TMC7: variants seen among roughly 807,000 people sequenced by gnomAD.
The protein encoded by TMC7 is transmembrane channel like 7, also known as transmembrane channel-like protein 7.
A neutral mutation model predicts 82.9 loss-of-function variants in TMC7; 54 were observed. The observed-to-expected ratio is 0.65, with a 90% confidence interval of 0.52 to 0.82. The LOEUF is 0.82. TMC7 is among the 40% of genes least tolerant of loss of function. The probability of loss-of-function intolerance (pLI) is 0.00; values close to 1 mark genes in which losing one functional copy is unlikely to be tolerated. For missense variants in TMC7, 820 were observed against 901.2 expected (o/e 0.91, Z 1.15); for synonymous variants, 350 against 337.9 (o/e 1.04, Z -0.39).
intron 3 of TMC7, among the ~76,000 whole-genome samples, chr16:19,018,686 A>T (rs1959823701): frequency 6.6e-6 from 1 of 152,002 alleles, no homozygotes; most frequent in African/African-American, 2.4e-5. Context: ...CCCCCATCCT[A>T]GTGCTTTGGG....
chr16:18,994,554 TAG>T (rs2039008225), intron 1 of TMC7, among the ~76,000 whole-genome samples: 2 of 152,124 alleles, frequency 1.3e-5, no homozygotes, highest in South Asian at 4.2e-4. Flanking sequence ...GAACAGCTTT[TAG>T]GGCTGCTTCT....
intron 12 of TMC7, among the ~76,000 whole-genome samples, chr16:19,051,053 C>T (rs1376341115): frequency 3.3e-5 from 5 of 152,100 alleles, no homozygotes; most frequent in South Asian, 2.1e-4. Context: ...CACGCAGCCA[C>T]GAGCCCCCAC....
chr16:19,054,734 G>C (rs1961692306), intron 13 of TMC7, among the ~76,000 whole-genome samples: 1 of 143,878 alleles, frequency 7.0e-6, no homozygotes, highest in African/African-American at 2.5e-5. Flanking sequence ...AAAAGCATGG[G>C]ATTTGCTTTT....
chr16:19,023,690 A>T (rs1018727358), intron 5 of TMC7, among the ~76,000 whole-genome samples: 9 of 151,838 alleles, frequency 5.9e-5, no homozygotes, highest in African/African-American at 2.2e-4. Flanking sequence ...CAGGTGGTCC[A>T]CTCTCCTTGG....
intron 1 of TMC7, among the ~76,000 whole-genome samples, chr16:18,999,547 A>G (rs1479817571): frequency 2.0e-5 from 3 of 152,228 alleles, no homozygotes; most frequent in Non-Finnish European, 4.4e-5. Flanking sequence ...GTGGTCTTCA[A>G]GGCTATGTTG....
intron 15 of TMC7, among the ~76,000 whole-genome samples, chr16:19,061,043 G>T (rs1396240049): frequency 2.2e-5 from 3 of 138,650 alleles, no homozygotes; most frequent in African/African-American, 5.4e-5. Context: ...TCACTCTGTC[G>T]CCCAGGCTGG....
rs1019713956 is a variant in TMC7 at position 18,989,679 on chromosome 16, G to A, written c.67+5549G>A. On this transcript the variant is annotated intron_variant, in intron 1 of 15. Coordinates refer to ENST00000304381, the MANE Select transcript of TMC7 (RefSeq NM_024847.4). ...GCTTTCATGGAGCTTCTAGTCAAGC[G>A]AGACGCACTAAACGGTAAAGGGACA... 5.3e-5 allele frequency among the ~76,000 whole-genome samples: 8 copies of A among 151,064 alleles called. No individual in the cohort carries two copies. In the South Asian group the frequency reaches 6.4e-4, roughly 12 times the overall value.
chr16:19,061,811 C>T lies in TMC7; in HGVS notation c.2140C>T (p.Leu714=). 6.2e-7 allele frequency: 1 copy of T among 1,613,850 alleles called. No homozygotes were observed. The highest frequency in any genetic ancestry group is 8.5e-7 in the Non-Finnish European group (1 of 1,179,872). ...SRDKCYLIQK[L]TEAQRDMRN The stretch of plus-strand genomic sequence containing the variant: ...TGACAAGTGCTACCTAATCCAGAAA[C>T]TAACAGAAGCCCAAAGGGACATGAG... The change falls in exon 16 of 16, where the codon CTA becomes TTA. Residue 714 remains leucine, a synonymous_variant. Transcript: ENST00000304381.
In TMC7 at chr16:19,061,770, T is replaced by G; in HGVS notation, c.2107-8T>G. On this transcript the variant is annotated splice_region_variant and splice_polypyrimidine_tract_variant and intron_variant, in intron 15 of 15. Transcript: ENST00000304381. The stretch of plus-strand genomic sequence containing the variant: ...ATTAAATGTACATGTGAACTTATTA[T>G]TTTTTAGGAAAGTCGTGACAAGTGC... 1 of 1,611,912 alleles carries G rather than the reference T, an allele frequency of 6.2e-7. No individual in the cohort carries two copies. The highest frequency in any genetic ancestry group is 8.5e-7 in the Non-Finnish European group (1 of 1,178,828).
At chr16:18,993,125 G>A (rs1313581283) in intron 1 of TMC7, among the ~76,000 whole-genome samples, 2 of 152,146 alleles carry the variant, frequency 1.3e-5, no homozygotes, top group Non-Finnish European at 2.9e-5. Context: ...TTGATAGTGT[G>A]GTGGAGATAG....
At chr16:19,002,176 G>A (rs2039152733) in intron 1 of TMC7, among the ~76,000 whole-genome samples, 1 of 151,420 alleles carries the variant, frequency 6.6e-6, no homozygotes, top group African/African-American at 2.4e-5. Flanking sequence ...CTCACCAGAT[G>A]TACCTGCCTC....
intron 7 of TMC7, among the ~76,000 whole-genome samples, chr16:19,037,079 T>C (rs1009512547): frequency 4.6e-5 from 7 of 152,196 alleles, no homozygotes; most frequent in Non-Finnish European, 1.0e-4. Flanking sequence ...CTGTCTTTAC[T>C]TAGGTCTTTA....
At chr16:18,993,883 G>C (rs1300788631) in intron 1 of TMC7, among the ~76,000 whole-genome samples, 3 of 152,312 alleles carry the variant, frequency 2.0e-5, no homozygotes, top group African/African-American at 7.2e-5. Flanking sequence ...CAGAGTGGTA[G>C]CCTCAATGAT....
At chr16:19,012,257 T>C (rs1027461743) in intron 2 of TMC7, 3 of 152,160 alleles carry the variant, frequency 2.0e-5, no homozygotes, top group African/African-American at 2.4e-5. Flanking sequence ...AAGTGTTCCA[T>C]ATATAAATTT....
Position 19,030,390 on chromosome 16 carries a change from C to A in TMC7, c.857+21C>A, listed in dbSNP as rs1468391075. 4 of 1,599,470 alleles carry A rather than the reference C, an allele frequency of 2.5e-6. No homozygotes were observed. The African/African-American group carries it at 4.0e-5, about 16-fold the overall frequency. Reference sequence around the variant, plus strand: ...AAAAGGTAAAGTCTGCCTTTGCATTCTCTCTGAATTACCCCTGATGGCTGG... The same window carrying A: ...AAAAGGTAAAGTCTGCCTTTGCATTATCTCTGAATTACCCCTGATGGCTGG... On this transcript the variant is annotated intron_variant, in intron 6 of 15. Coordinates refer to ENST00000304381, the MANE Select transcript of TMC7 (RefSeq NM_024847.4).
chr16:18,991,777 T>A (rs2038955937), intron 1 of TMC7, among the ~76,000 whole-genome samples: 1 of 152,046 alleles, frequency 6.6e-6, no homozygotes, highest in African/African-American at 2.4e-5. Context: ...GATGTTCCCC[T>A]TTCTGTGTCC....
intron 3 of TMC7, among the ~76,000 whole-genome samples, chr16:19,016,825 G>A (rs541859299): frequency 5.9e-5 from 9 of 152,228 alleles, no homozygotes; most frequent in Non-Finnish European, 1.3e-4. Context: ...TTGGAATACC[G>A]TTAATACCCA....
At chr16:19,056,865 CTGT>C (rs1567531921) in intron 14 of TMC7, among the ~76,000 whole-genome samples, 168 bp downstream of exon 14, 1 of 152,088 alleles carries the variant, frequency 6.6e-6, no homozygotes, top group African/African-American at 2.4e-5. Context: ...TGGCTCATGC[CTGT>C]AATCCCAACA....
chr16:18,995,339 A>G (rs1453808471), intron 1 of TMC7, among the ~76,000 whole-genome samples: 10 of 152,142 alleles, frequency 6.6e-5, no homozygotes, highest in Admixed American at 5.9e-4. Flanking sequence ...GAGTTACCCA[A>G]AGCGTCCGTG....
Sources: allele counts gnomAD v4.1 joint callset (sites outside exome capture counted in the v4.1 genomes callset), GRCh38; gene constraint gnomAD v4.1.1; transcripts MANE v1.5; gene names NCBI Gene and HGNC (gene_info 2026-07-23, HGNC 2026-07-21).